BTBD8: variants seen among roughly 807,000 people sequenced by gnomAD.
BTBD8 encodes the protein BTB domain containing 8.
In BTBD8, 110 loss-of-function variants were observed where a neutral mutation model predicts 162.9. The observed-to-expected ratio is 0.68, with a 90% confidence interval of 0.58 to 0.79. BTBD8 has a LOEUF of 0.79. Among genes scored for constraint, BTBD8 ranks in the 30% least tolerant of loss-of-function variants. The pLI, the probability that BTBD8 is intolerant of heterozygous loss-of-function variation, is 0.00. For missense variants in BTBD8, 1,905 were observed against 2,085.4 expected (o/e 0.91, Z 1.68); for synonymous variants, 667 against 716.1 (o/e 0.93, Z 1.10).
At chr1:92,180,200 C>G in intron 16 of BTBD8, 65 bp from the exon 17 acceptor site, 1 of 1,188,036 alleles carries the variant, frequency 8.4e-7, no homozygotes, top group Non-Finnish European at 1.1e-6. Context: ...AAACAAATTA[C>G]TAAATTTTAC....
intron 9 of BTBD8, among the ~76,000 whole-genome samples, chr1:92,159,358 G>A (rs1441642079): frequency 1.3e-5 from 2 of 151,574 alleles, no homozygotes; most frequent in Admixed American, 6.6e-5. Flanking sequence ...GTATTTTTTT[G>A]TAGAGACAGG....
chr1:92,132,173 A>G (rs961200012), intron 5 of BTBD8, among the ~76,000 whole-genome samples: 2 of 152,208 alleles, frequency 1.3e-5, no homozygotes, highest in Admixed American at 6.5e-5. Flanking sequence ...CCTAGTAGGC[A>G]CATTAGGAGA....
chr1:92,163,598 A>G (rs2100662294), intron 9 of BTBD8, among the ~76,000 whole-genome samples: 1 of 151,680 alleles, frequency 6.6e-6, no homozygotes, highest in South Asian at 2.1e-4. Context: ...TTTTAGCAAT[A>G]GCAAGGTTTA....
At chr1:92,154,234 T>C (rs1650107551) in intron 9 of BTBD8, among the ~76,000 whole-genome samples, 1 of 152,200 alleles carries the variant, frequency 6.6e-6, no homozygotes, top group Non-Finnish European at 1.5e-5. Context: ...AAACCTCTTT[T>C]CCTTATAAAT....
rs1405427328 is a variant in BTBD8 at position 92,109,132 on chromosome 1, C to G, written c.662+1131C>G. ...CGTATTTTCCTAATTTTTGTGAAATCTGCATTAAAGGTTGCAAAATTCAGA... is the reference window on the plus strand; with the variant it reads ...CGTATTTTCCTAATTTTTGTGAAATGTGCATTAAAGGTTGCAAAATTCAGA... On this transcript the variant is annotated intron_variant, in intron 4 of 17. Transcript: ENST00000636805. Among the ~76,000 whole-genome samples, 3 of 152,122 alleles carry G rather than the reference C, an allele frequency of 2.0e-5. No homozygotes were observed. In the South Asian group the frequency reaches 6.2e-4, roughly 32 times the overall value.
chr1:92,094,748 A>C (rs189208736), intron 2 of BTBD8, among the ~76,000 whole-genome samples: 1 of 152,356 alleles, frequency 6.6e-6, no homozygotes, highest in Non-Finnish European at 1.5e-5. Flanking sequence ...CAAGAAGACT[A>C]ACCTGGTTAT....
intron 4 of BTBD8, among the ~76,000 whole-genome samples, chr1:92,121,841 A>T (rs1449421260): frequency 1.3e-4 from 18 of 139,284 alleles, no homozygotes; most frequent in Admixed American, 1.0e-3. Flanking sequence ...TTATTTTTTT[A>T]TTTTTTTTTT....
chr1:92,138,292 A>G (rs193277532), intron 5 of BTBD8, among the ~76,000 whole-genome samples: 1 of 152,348 alleles, frequency 6.6e-6, no homozygotes, highest in Admixed American at 6.5e-5. Context: ...CCTGAAGGCA[A>G]TTTTATAAAG....
At chr1:92,095,212 C>T (rs1034679028) in intron 2 of BTBD8, among the ~76,000 whole-genome samples, 3 of 152,164 alleles carry the variant, frequency 2.0e-5, no homozygotes, top group Non-Finnish European at 4.4e-5. Context: ...CCTAATCTCC[C>T]TATAGCCAAG....
chr1:92,119,973 T>G (rs1649153924), intron 4 of BTBD8, among the ~76,000 whole-genome samples: 1 of 142,618 alleles, frequency 7.0e-6, no homozygotes, highest in East Asian at 2.2e-4. Context: ...CTATCTTGGC[T>G]CGCTGCAACC....
chr1:92,080,717 T>G lies in BTBD8; in HGVS notation c.146T>G (p.Leu49Arg), dbSNP rs551823915. ...TVSEQLSQDL[L>R]RLLREEFHTD... ...TCGGAGCAGCTCAGCCAGGATTTGC[T>G]CAGGTAGGAGGAGGCGGGAACTCTG... Residue 49 changes from leucine (L) to arginine (R), a missense_variant, in exon 1 of 18, where the codon CTC becomes CGC. Physicochemically the swap from Leu to Arg is moderately radical, Grantham distance 102. Coordinates refer to ENST00000636805, the MANE Select transcript of BTBD8 (RefSeq NM_001376131.1). 2 of 1,609,680 alleles carry G rather than the reference T, an allele frequency of 1.2e-6. No individual in the cohort carries two copies. Among genetic ancestry groups the G allele is most frequent in the African/African-American group, 1.3e-5 (1 of 74,952 alleles).
At chr1:92,099,165 G>T (rs1360664507) in intron 2 of BTBD8, among the ~76,000 whole-genome samples, 1 of 152,122 alleles carries the variant, frequency 6.6e-6, no homozygotes, top group Non-Finnish European at 1.5e-5. Context: ...TTTCCCCATT[G>T]TGTTATTGTC....
At chr1:92,152,311 T>G (rs1030177827) in intron 9 of BTBD8, among the ~76,000 whole-genome samples, 5 of 152,168 alleles carry the variant, frequency 3.3e-5, no homozygotes, top group Non-Finnish European at 5.9e-5. Context: ...TCTTTACCAT[T>G]GTAGCCTCAG....
intron 6 of BTBD8, 123 bp downstream of exon 6, chr1:92,139,553 A>G: frequency 3.7e-6 from 5 of 1,358,840 alleles, no homozygotes; most frequent in Non-Finnish European, 4.7e-6. Context: ...CTATATCTTC[A>G]GTAGGTTTTG....
At chr1:92,130,154 G>A (rs372229260) in intron 5 of BTBD8, among the ~76,000 whole-genome samples, 7 of 152,088 alleles carry the variant, frequency 4.6e-5, no homozygotes, top group South Asian at 2.1e-4. Context: ...TCCTTGGTGC[G>A]TGCACTTGGA....
intron 4 of BTBD8, among the ~76,000 whole-genome samples, chr1:92,119,149 A>G (rs1394804289): frequency 6.6e-6 from 1 of 151,868 alleles, no homozygotes; most frequent in African/African-American, 2.4e-5. Context: ...TTAAAAAACT[A>G]TCTTCAATAA....
At chr1:92,146,370 T>G (rs1649919861) in intron 7 of BTBD8, among the ~76,000 whole-genome samples, 1 of 152,190 alleles carries the variant, frequency 6.6e-6, no homozygotes. Context: ...ATACCCACTT[T>G]CTTCCACACA....
rs1286800137 is a variant in BTBD8, at chr1:92,179,180, AG to A, written c.2581+731del. Among the ~76,000 whole-genome samples the A allele has an allele frequency of 3.3e-5, 5 of 151,342 alleles. No homozygotes were observed. The Admixed American group carries it at 3.3e-4, about 10-fold the overall frequency. On this transcript the variant is annotated intron_variant, in intron 16 of 17. Coordinates refer to ENST00000636805, the MANE Select transcript of BTBD8 (RefSeq NM_001376131.1). The stretch of plus-strand genomic sequence containing the variant: ...AGAACTGCTTGAACCTGGGAGGCGG[AG>A]GTTGCAGTCAGCTGAGATCTTGCCT...
intron 3 of BTBD8, among the ~76,000 whole-genome samples, chr1:92,105,931 T>C (rs889234338): frequency 6.6e-6 from 1 of 152,254 alleles, no homozygotes; most frequent in Non-Finnish European, 1.5e-5. Context: ...CTCGGCTGCT[T>C]ATAATTGGCT....
Sources: gnomAD v4.1 joint callset for allele counts (sites outside exome capture counted in the v4.1 genomes callset) on GRCh38, gnomAD v4.1.1 for gene constraint, MANE v1.5 for transcripts, NCBI Gene and HGNC (gene_info 2026-07-23, HGNC 2026-07-21) for gene names.